Variants in RBFOX3 observed in about 807,000 individuals in gnomAD.
RBFOX3 encodes the protein RNA binding protein fox-1 homolog 3.
Under a neutral mutation model 48.7 loss-of-function variants are expected in RBFOX3, and 17 were observed. The observed-to-expected ratio is 0.35, with a 90% CI of 0.24 to 0.52. RBFOX3 has a LOEUF of 0.52. Ranked by LOEUF, RBFOX3 falls within the 20% of genes least tolerant of loss-of-function variation. The probability of loss-of-function intolerance (pLI) is 0.94; values close to 1 mark genes in which losing one functional copy is unlikely to be tolerated. For synonymous variants in RBFOX3, 212 were observed against 209.5 expected (o/e 1.01, Z -0.10); for missense variants, 382 against 497.5 (o/e 0.77, Z 2.21).
At chr17:79,174,205 C>T (rs905363115) in intron 4 of RBFOX3, among the ~76,000 whole-genome samples, 1 of 152,128 alleles carries the variant, frequency 6.6e-6, no homozygotes, top group African/African-American at 2.4e-5. Context: ...CTCACTATCA[C>T]TTAGCTGTCC....
chr17:79,095,681 G>T, intron 12 of RBFOX3, 107 bp from the exon 13 acceptor site: 1 of 991,638 alleles, frequency 1.0e-6, no homozygotes, highest in Non-Finnish European at 1.5e-6. Context: ...GGCCCTGGGA[G>T]GGACTACAGA....
intron 4 of RBFOX3, among the ~76,000 whole-genome samples, chr17:79,171,633 T>A (rs1331283456): frequency 4.7e-5 from 5 of 106,804 alleles, no homozygotes; most frequent in African/African-American, 9.5e-5. Flanking sequence ...ACTTTTTTTT[T>A]ATAAATTAAA....
chr17:79,620,627 ACACACG>A, the RBFOX3 span, among the ~76,000 whole-genome samples: 10 of 35,854 alleles, frequency 2.8e-4, no homozygotes, highest in South Asian at 1.2e-3. Context: ...ACGCACATGC[ACACACG>A]CACACGCACA....
chr17:79,651,003 A>G, the RBFOX3 span, among the ~76,000 whole-genome samples: 1 of 152,164 alleles, frequency 6.6e-6, no homozygotes, highest in Non-Finnish European at 1.5e-5. Flanking sequence ...TAAACACCCC[A>G]GCTCCGCCAG....
At chr17:79,512,365 A>G (rs1393348204) in intron 1 of RBFOX3, among the ~76,000 whole-genome samples, 17 of 114,276 alleles carry the variant, frequency 1.5e-4, no homozygotes, top group South Asian at 3.3e-4. Flanking sequence ...GCCAGGGGAC[A>G]CCCACCCGGA....
chr17:79,420,046 G>C (rs1212154480), intron 2 of RBFOX3, among the ~76,000 whole-genome samples: 1 of 151,898 alleles, frequency 6.6e-6, no homozygotes, highest in Non-Finnish European at 1.5e-5. Context: ...AGAATCGCTT[G>C]AACCTGGGAG....
chr17:79,497,111 C>G (rs748916180), intron 1 of RBFOX3, among the ~76,000 whole-genome samples: 100 of 152,264 alleles, frequency 6.6e-4, no homozygotes, highest in Non-Finnish European at 1.2e-3. Flanking sequence ...GGGTCCACCC[C>G]CTGCATGGCA....
At chr17:79,588,443 CG>C (rs1291825697) in intron 1 of RBFOX3, among the ~76,000 whole-genome samples, 1 of 152,096 alleles carries the variant, frequency 6.6e-6, no homozygotes, top group Admixed American at 6.5e-5. Context: ...AGGAGCCGAG[CG>C]CAGACCTTGC....
intron 4 of RBFOX3, among the ~76,000 whole-genome samples, chr17:79,201,148 T>A (rs1262384436): frequency 6.6e-6 from 1 of 151,712 alleles, no homozygotes; most frequent in Admixed American, 6.6e-5. Flanking sequence ...CCGGATCCGA[T>A]GGAGCTGTAA....
chr17:79,615,304 C>A (rs1413620496), upstream of RBFOX3, among the ~76,000 whole-genome samples: 2 of 151,976 alleles, frequency 1.3e-5, no homozygotes, highest in Non-Finnish European at 2.9e-5. Context: ...TCCCACACAC[C>A]ATCTCTCAGC....
chr17:79,578,466 G>C (rs2092934774), intron 1 of RBFOX3, among the ~76,000 whole-genome samples: 1 of 152,258 alleles, frequency 6.6e-6, no homozygotes, highest in Non-Finnish European at 1.5e-5. Context: ...AGGTGGCTGT[G>C]GGTGTATGCA....
At chr17:79,118,997 AG>A (rs1295723570) in intron 4 of RBFOX3, among the ~76,000 whole-genome samples, 8 of 148,794 alleles carry the variant, frequency 5.4e-5, no homozygotes, top group African/African-American at 7.3e-5. Context: ...AAAAAAATAA[AG>A]AAAATAAAAT....
intron 1 of RBFOX3, among the ~76,000 whole-genome samples, chr17:79,512,271 C>G (rs2084417969): frequency 2.2e-5 from 3 of 138,216 alleles, no homozygotes; most frequent in Non-Finnish European, 3.1e-5. Context: ...GGATATACAC[C>G]CGGATACATA....
At chr17:79,513,938 G>A (rs952906050) in intron 1 of RBFOX3, among the ~76,000 whole-genome samples, 19 of 152,302 alleles carry the variant, frequency 1.2e-4, no homozygotes, top group African/African-American at 3.8e-4. Flanking sequence ...CTTGGAATTT[G>A]GCTAGGGCTG....
At chr17:79,401,021 C>T (rs543262111) in intron 2 of RBFOX3, among the ~76,000 whole-genome samples, 2 of 152,258 alleles carry the variant, frequency 1.3e-5, no homozygotes, top group Non-Finnish European at 2.9e-5. Flanking sequence ...CACAACCCTA[C>T]TTCCAAAGCT....
intron 2 of RBFOX3, among the ~76,000 whole-genome samples, chr17:79,446,057 C>A (rs2072223696): frequency 6.6e-6 from 1 of 152,170 alleles, no homozygotes; most frequent in African/African-American, 2.4e-5. Flanking sequence ...AGAATGGTCC[C>A]CCGACATGTC....
At chr17:79,488,479 C>T (rs2149561222) in intron 1 of RBFOX3, among the ~76,000 whole-genome samples, 1 of 152,316 alleles carries the variant, frequency 6.6e-6, no homozygotes, top group East Asian at 1.9e-4. Flanking sequence ...TCAGAGCATG[C>T]TACACTCCAT....
intron 4 of RBFOX3, among the ~76,000 whole-genome samples, chr17:79,203,900 TC>T (rs1057221418): frequency 3.9e-5 from 6 of 152,100 alleles, no homozygotes; most frequent in African/African-American, 1.4e-4. Context: ...ATGGCACTTC[TC>T]CCCTGACGAA....
Position 79,597,067 on chromosome 17 carries a change from C to A in RBFOX3, c.-320+13759G>T, listed in dbSNP as rs988648635. ...CGAGGCCTCCCTCCTGCTGGCCACACGTAAGAAAGGACTTCACAAGGGAGA... is the reference window on the plus strand; with the variant it reads ...CGAGGCCTCCCTCCTGCTGGCCACAAGTAAGAAAGGACTTCACAAGGGAGA... On this transcript the variant is annotated intron_variant, in intron 1 of 14. Transcript: ENST00000693108. Among the ~76,000 whole-genome samples, 12 of 152,280 alleles carry A rather than the reference C, an allele frequency of 7.9e-5. No individual in the cohort carries two copies. In the South Asian group the frequency reaches 1.2e-3, roughly 16 times the overall value.
Sources: gnomAD v4.1 joint callset for allele counts (sites outside exome capture counted in the v4.1 genomes callset) on GRCh38, gnomAD v4.1.1 for gene constraint, MANE v1.5 for transcripts, NCBI Gene and HGNC (gene_info 2026-07-23, HGNC 2026-07-21) for gene names.